BRAT1: variants seen among roughly 807,000 people sequenced by gnomAD.
The protein encoded by BRAT1 is integrator complex assembly factor BRAT1.
A neutral mutation model predicts 70.6 loss-of-function variants in BRAT1; 74 were observed. That is an observed-to-expected ratio of 1.05 (90% CI 0.87 to 1.27). BRAT1 has a LOEUF of 1.27. Among genes scored for constraint, BRAT1 ranks in the 50% most tolerant of loss-of-function variants. The pLI is 0.00. For missense variants in BRAT1, 1,203 were observed against 1,098.2 expected, an observed-to-expected ratio of 1.10 and a Z score of -1.35; for synonymous variants, 615 against 517.1, an observed-to-expected ratio of 1.19 and a Z score of -2.57.
chr7:2,542,976 C>G (rs1225939666), intron 6 of BRAT1: 1 of 414,966 alleles, frequency 2.4e-6, no homozygotes, highest in Non-Finnish European at 4.2e-6. Context: ...GCATCCTTCT[C>G]ACCTCTGGGG....
rs761704986 is a variant in BRAT1 at position 2,540,990 on chromosome 7, A to G, written c.1384T>C (p.Ser462Pro). 6.4e-6 allele frequency: 10 copies of G among 1,552,456 alleles called. No homozygotes were observed. In the Admixed American group the frequency reaches 1.9e-4, roughly 29 times the overall value. The change falls in exon 10 of 14, where the codon TCC becomes CCC. Residue 462 changes from serine (S) to proline (P), a missense_variant. Transcript: ENST00000340611. Reference protein sequence around the residue: ...VLLECLESPGSSPTVLKKAFQ... With the variant: ...VLLECLESPGPSPTVLKKAFQ... Reference sequence around the variant, plus strand: ...CCCCACCACCGTACCGTGGGGCTGGAGCCGGGGCTCTCGAGGCACTCCAGG... The same window carrying G: ...CCCCACCACCGTACCGTGGGGCTGGGGCCGGGGCTCTCGAGGCACTCCAGG...
intron 2 of BRAT1, among the ~76,000 whole-genome samples, chr7:2,552,207 T>C (rs1406905421): frequency 7.9e-5 from 11 of 138,974 alleles, no homozygotes; most frequent in Non-Finnish European, 1.2e-4. Context: ...AACCTCTGCC[T>C]CCCAGGTTCA....
chr7:2,549,086 A>T (rs1490034033), intron 2 of BRAT1, among the ~76,000 whole-genome samples: 3 of 152,246 alleles, frequency 2.0e-5, no homozygotes, highest in Non-Finnish European at 4.4e-5. Context: ...GAAGGTTGTG[A>T]TGGCCTGAAG....
chr7:2,547,899 A>G (rs948885079), intron 2 of BRAT1, among the ~76,000 whole-genome samples: 1 of 152,150 alleles, frequency 6.6e-6, no homozygotes, highest in African/African-American at 2.4e-5. Context: ...CCTGGCCAAC[A>G]TGGCGAAGTC....
intron 6 of BRAT1, 120 bp from the exon 7 acceptor site, chr7:2,542,331 A>C: frequency 1.2e-6 from 1 of 828,178 alleles, no homozygotes; most frequent in Non-Finnish European, 2.0e-6. Flanking sequence ...CCCCCGAGAA[A>C]CATTCTCTGC....
chr7:2,542,519 C>CCCCAGCCTCCCGGGTGT (rs1779255887), intron 6 of BRAT1: 1 of 454,116 alleles, frequency 2.2e-6, no homozygotes, highest in Non-Finnish European at 4.0e-6. Flanking sequence ...GGATGGGGTG[C>CCCCAGCCTCCCGGGTGT]CCCCAGGTGT....
intron 2 of BRAT1, among the ~76,000 whole-genome samples, chr7:2,550,470 A>C (rs1383209692): frequency 7.0e-6 from 1 of 143,772 alleles, no homozygotes; most frequent in South Asian, 2.2e-4. Flanking sequence ...TCCATCTCAA[A>C]AAAAAAAAAA....
At chr7:2,542,915 C>T (rs987884989) in intron 6 of BRAT1, 7 of 225,722 alleles carry the variant, frequency 3.1e-5, no homozygotes, top group Admixed American at 1.1e-4. Flanking sequence ...GGGAGGGCAG[C>T]GGAGCGCAGG....
At chr7:2,550,481 C>CAAAAAAAAAAAAGAAAAAAAAAAAAAAA (rs1779922817) in intron 2 of BRAT1, among the ~76,000 whole-genome samples, 2 of 57,612 alleles carry the variant, frequency 3.5e-5, no homozygotes, top group Non-Finnish European at 5.5e-5. Context: ...AAAAAAAAAA[C>CAAAAAAAAAAAAGAAAAAAAAAAAAAAA]AAAAAAAAAA....
In BRAT1 at chr7:2,537,990, T is replaced by TG. The variant is rs1778810624; in HGVS notation, c.*78dup. 2 of 1,445,126 alleles carry TG rather than the reference T, an allele frequency of 1.4e-6. No homozygotes were observed. The highest frequency in any genetic ancestry group is 1.8e-6 in the Non-Finnish European group (2 of 1,101,044). 89.5% of individuals were successfully genotyped at this position (1,445,126 alleles called of 1,614,324 possible). On this transcript the variant is annotated 3_prime_UTR_variant, in exon 14 of 14. Transcript: ENST00000340611. ...GATCCACCGGGCTGGGCTGGAGCCC[T>TG]GGGGCTGGCAGTGTCCCACAGAAGG...
chr7:2,547,496 C>T lies in BRAT1; in HGVS notation c.128-18G>A, dbSNP rs375510819. 1 of 1,610,744 alleles carries T rather than the reference C, an allele frequency of 6.2e-7. No homozygotes were observed. Among genetic ancestry groups the T allele is most frequent in the South Asian group, 1.1e-5 (1 of 91,048 alleles). Reference sequence around the variant, plus strand: ...ACTGGACTCTGTGGGGATGGCCCAGCCCAGGGGTCACCAGGGGTACGGCAC... The same window carrying T: ...ACTGGACTCTGTGGGGATGGCCCAGTCCAGGGGTCACCAGGGGTACGGCAC... On this transcript the variant is annotated intron_variant, in intron 2 of 13. Coordinates refer to ENST00000340611, the MANE Select transcript of BRAT1 (RefSeq NM_152743.4).
rs747027466 is a variant in BRAT1 at position 2,538,539 on chromosome 7, A to G, written c.1996T>C (p.Leu666=). The G allele has an allele frequency of 6.2e-7, 1 of 1,604,036 alleles. No individual in the cohort carries two copies. Among genetic ancestry groups the G allele is most frequent in the Non-Finnish European group, 8.5e-7 (1 of 1,178,358 alleles). Residue 666 remains leucine, a synonymous_variant, in exon 14 of 14, where the codon TTG becomes CTG. Transcript: ENST00000340611. ...GGGCAGTGGGTACGCGGCGGCCCCA[A>G]AGTCTGGCCCAGGAACACGAGGGCC... ...ELALVFLGQT[L]GPPRTHCPYA...
chr7:2,548,933 C>A (rs1779805931), intron 2 of BRAT1, among the ~76,000 whole-genome samples: 1 of 152,144 alleles, frequency 6.6e-6, no homozygotes, highest in African/African-American at 2.4e-5. Flanking sequence ...CCACTGCACT[C>A]CAGCCTGGTG....
rs944587799 is a variant in BRAT1 at position 2,538,874 on chromosome 7, C to T, written c.1771-110G>A. 6.4e-5 allele frequency: 97 copies of T among 1,511,722 alleles called. No homozygotes were observed. The African/African-American group carries it at 1.3e-3, about 20-fold the overall frequency. The allele number at this position is 1,511,722 out of a possible 1,614,324, so 93.6% of individuals were successfully genotyped here. A position where few individuals can be genotyped will look rare whatever the true frequency, so the allele number is the denominator to read the frequency against. On this transcript the variant is annotated intron_variant, in intron 13 of 13. Coordinates refer to ENST00000340611, the MANE Select transcript of BRAT1 (RefSeq NM_152743.4). ...CTGGCCCCGGACATGCAGTCTAGGG[C>T]CACAGCCCGCTCTGACACCTTCCCA...
intron 6 of BRAT1, chr7:2,542,539 C>T (rs561744674): frequency 5.1e-6 from 2 of 394,702 alleles, no homozygotes; most frequent in Admixed American, 4.4e-5. Flanking sequence ...TGTACAGCGT[C>T]CACTCTGTGG....
At position 2,541,458 on chromosome 7, in the gene BRAT1, C is replaced by G. The variant is rs1258413097; in HGVS notation, c.1161G>C (p.Gln387His). 6.4e-7 allele frequency: 1 copy of G among 1,559,108 alleles called. No individual in the cohort carries two copies. Among genetic ancestry groups the G allele is most frequent in the Admixed American group, 2.0e-5 (1 of 51,258 alleles). ...TCACTGTAGCCCCCAGTAGAGACGC[C>G]TGGGGCCACGGTGAAGGGCGCTGGG... The part of the protein sequence containing the change: ...PLPQRPSPWP[Q>H]ASLLGATVTV... The change falls in exon 9 of 14, where the codon CAG becomes CAC. Residue 387 changes from glutamine to histidine, a missense_variant. By Grantham distance (24) the Gln-to-His change is conservative. Coordinates refer to ENST00000340611, the MANE Select transcript of BRAT1 (RefSeq NM_152743.4).
chr7:2,546,697 T>G (rs1779631571), intron 3 of BRAT1, among the ~76,000 whole-genome samples: 1 of 152,058 alleles, frequency 6.6e-6, no homozygotes, highest in Non-Finnish European at 1.5e-5. Context: ...TTCGAACCAT[T>G]GCACTCCAGC....
Position 2,554,592 on chromosome 7 carries a change from C to G in BRAT1, c.-16-145G>C, listed in dbSNP as rs893309149. The stretch of plus-strand genomic sequence containing the variant: ...ACCAGGAGAACCATGATCCCCAGAC[C>G]AGAGGTCTGTACTGCAGGGATGGAT... On this transcript the variant is annotated intron_variant, in intron 1 of 13. Transcript: ENST00000340611. 3.8e-6 allele frequency: 4 copies of G among 1,066,470 alleles called. No homozygotes were observed. The African/African-American group carries it at 6.4e-5, about 17-fold the overall frequency. The allele number at this position is 1,066,470 out of a possible 1,614,324, so 66.1% of individuals were successfully genotyped here. A position where few individuals can be genotyped will look rare whatever the true frequency, so the allele number is the denominator to read the frequency against.
At chr7:2,546,064 G>C (rs886157215) in intron 3 of BRAT1, among the ~76,000 whole-genome samples, 2 of 152,224 alleles carry the variant, frequency 1.3e-5, no homozygotes, top group Admixed American at 1.3e-4. Context: ...CACGCATCCC[G>C]ACAGACTCAG....
Sources: allele counts gnomAD v4.1 joint callset (sites outside exome capture counted in the v4.1 genomes callset), GRCh38; gene constraint gnomAD v4.1.1; transcripts MANE v1.5; gene names NCBI Gene and HGNC (gene_info 2026-07-23, HGNC 2026-07-21).